CBX8: variants seen among roughly 807,000 people sequenced by gnomAD.
The protein encoded by CBX8 is chromobox 8.
Under a neutral mutation model 39.7 loss-of-function variants are expected in CBX8, and 8 were observed. The observed-to-expected ratio is 0.20, with a 90% confidence interval of 0.12 to 0.36. CBX8 has a LOEUF of 0.36. Ranked by LOEUF, CBX8 falls within the 10% of genes least tolerant of loss-of-function variation. The pLI is 1.00. For synonymous variants in CBX8, 268 were observed against 219.8 expected (o/e 1.22, Z -1.94); for missense variants, 505 against 529.6 (o/e 0.95, Z 0.46).
In CBX8 at chr17:79,794,883, G is replaced by C. The variant is rs772975695; in HGVS notation, c.922C>G (p.Arg308Gly). Residue 308 changes from arginine to glycine, a missense_variant, in exon 5 of 5, where the codon CGA becomes GGA. Transcript: ENST00000269385. Reference sequence around the variant, plus strand: ...GAGCTGGGGGGGCCTGAGCCATGTCGGACCCGGGTGCCATTGGGATCTAGG... The same window carrying C: ...GAGCTGGGGGGGCCTGAGCCATGTCCGACCCGGGTGCCATTGGGATCTAGG... ...GALDPNGTRV[R>G]HGSGPPSSGG... 2 of 1,611,052 alleles carry C rather than the reference G, an allele frequency of 1.2e-6. No individual in the cohort carries two copies. The highest frequency in any genetic ancestry group is 2.2e-5 in the East Asian group (1 of 44,768).
chr17:79,797,034 G>A lies in CBX8; in HGVS notation c.-36C>T, dbSNP rs780625611. On this transcript the variant is annotated 5_prime_UTR_variant, in exon 1 of 5. Coordinates refer to ENST00000269385, the MANE Select transcript of CBX8 (RefSeq NM_020649.3). ...CGCTTCCCCCCTTGGCCGCTTCCAG[G>A]AGCAGAAAAGCAGCAGCCAGCGCAC... The A allele has an allele frequency of 9.4e-6, 15 of 1,593,556 alleles. No homozygotes were observed. Among genetic ancestry groups the A allele is most frequent in the South Asian group, 4.5e-5 (4 of 88,366 alleles).
intron 1 of CBX8, 26 bp from the exon 2 acceptor site, chr17:79,796,566 T>C (rs1471202554): frequency 1.2e-6 from 2 of 1,613,724 alleles, no homozygotes; most frequent in African/African-American, 1.3e-5. Flanking sequence ...CGATAATGTG[T>C]GTGCATGGGG....
Position 79,796,981 on chromosome 17 carries a change from C to A in CBX8, c.18G>T (p.Val6=), listed in dbSNP as rs761124429. The A allele has an allele frequency of 1.9e-6, 3 of 1,611,110 alleles. No individual in the cohort carries two copies. The highest frequency in any genetic ancestry group is 3.3e-5 in the Admixed American group (2 of 59,892). The change falls in exon 1 of 5, where the codon GTG becomes GTT. Residue 6 remains valine (V), a synonymous_variant. Transcript: ENST00000269385. ...CTTCGGCCGCGAACACCCGCTCCCC[C>A]ACCGCTGAAAGCTCCATGTTGACTC... MELSA[V]GERVFAAEAL...
chr17:79,795,759 G>A lies in CBX8; in HGVS notation c.247-201C>T, dbSNP rs1312802417. 1.3e-5 allele frequency among the ~76,000 whole-genome samples: 2 copies of A among 152,202 alleles called. No homozygotes were observed. Among genetic ancestry groups the A allele is most frequent in the Non-Finnish European group, 2.9e-5 (2 of 68,036 alleles). On this transcript the variant is annotated intron_variant, in intron 4 of 4. Transcript: ENST00000269385. The surrounding 1 kb of genome is among the most constrained non-coding windows in gnomAD (Gnocchi z 5.8). ...TGTTGGAGCTGAGAGGTAGAAGGATGAGAGAAGAGGTAGAAGATTTGGCTG... is the reference window on the plus strand; with the variant it reads ...TGTTGGAGCTGAGAGGTAGAAGGATAAGAGAAGAGGTAGAAGATTTGGCTG...
At position 79,795,717 on chromosome 17, in the gene CBX8, T is replaced by C. The variant is rs909954579; in HGVS notation, c.247-159A>G. ...GTGGGTGGGTGGGTGGATGGCTGGA[T>C]GAATGGGTGGGATGGCTGTTGGAGC... On this transcript the variant is annotated intron_variant, in intron 4 of 4. Transcript: ENST00000269385. The surrounding 1 kb of genome is among the most constrained non-coding windows in gnomAD (Gnocchi z 5.8). Among the ~76,000 whole-genome samples, 7 of 152,008 alleles carry C rather than the reference T, an allele frequency of 4.6e-5. No individual in the cohort carries two copies. The highest frequency in any genetic ancestry group is 1.7e-4 in the African/African-American group (7 of 41,474).
chr17:79,796,190 T>C, intron 3 of CBX8, 60 bp downstream of exon 3: 1 of 1,612,966 alleles, frequency 6.2e-7, no homozygotes, highest in Non-Finnish European at 8.5e-7. Flanking sequence ...TAGTCCAGGC[T>C]GGAAAGAAGC....
In CBX8 at chr17:79,794,893, G is replaced by C. The variant is rs774093760; in HGVS notation, c.912C>G (p.Gly304=). The C allele has an allele frequency of 6.2e-7, 1 of 1,611,030 alleles. No individual in the cohort carries two copies. Among genetic ancestry groups the C allele is most frequent in the Non-Finnish European group, 8.5e-7 (1 of 1,178,500 alleles). ...GGCCTGAGCCATGTCGGACCCGGGT[G>C]CCATTGGGATCTAGGGCACCCTGGC... The part of the protein sequence containing the change: ...AKGQGALDPN[G]TRVRHGSGPP... The change falls in exon 5 of 5, where the codon GGC becomes GGG. Residue 304 remains glycine, a synonymous_variant. Coordinates refer to ENST00000269385, the MANE Select transcript of CBX8 (RefSeq NM_020649.3).
At chr17:79,796,883 A>G (rs1036546761) in intron 1 of CBX8, 47 bp downstream of exon 1, 2 of 1,511,208 alleles carry the variant, frequency 1.3e-6, no homozygotes, top group Admixed American at 1.8e-5. Flanking sequence ...CCGGGCCGGG[A>G]GGGGAGGGCC....
chr17:79,795,643 T>C lies in CBX8; in HGVS notation c.247-85A>G, dbSNP rs560927298. On this transcript the variant is annotated intron_variant, in intron 4 of 4. Transcript: ENST00000269385. This position sits in a 1 kb window ranked among gnomAD's most constrained non-coding sequence, Gnocchi z 5.8. ...CCTCCTCTATCCCTGACCTCCTATC[T>C]TTACCCTATGATGCCTGGGAATTTC... The C allele has an allele frequency of 1.1e-5, 9 of 799,030 alleles. No individual in the cohort carries two copies. In the East Asian group the frequency reaches 2.7e-4, roughly 24 times the overall value. 49.5% of individuals were successfully genotyped at this position (799,030 alleles called of 1,614,324 possible).
At chr17:79,796,168 C>CA (rs1470201908) in intron 3 of CBX8, 45 bp from the exon 4 acceptor site, 1 of 1,612,370 alleles carries the variant, frequency 6.2e-7, no homozygotes, top group East Asian at 2.2e-5. Context: ...GTAAAGAAAG[C>CA]AAGTGGGACT....
At position 79,794,834 on chromosome 17, in the gene CBX8, A is replaced by C. The variant is rs373434731; in HGVS notation, c.971T>G (p.Met324Arg). The C allele has an allele frequency of 1.9e-6, 3 of 1,609,336 alleles. No homozygotes were observed. Among genetic ancestry groups the C allele is most frequent in the Admixed American group, 3.4e-5 (2 of 59,126 alleles). ...PSSGGGLYRD[M>R]GAQGGRPSLI... ...GGAGGGCCTTCCCCCCTGGGCCCCC[A>C]TGTCCCGGTACAGGCCCCCCCCAGA... is the stretch of plus-strand genomic sequence containing the variant. Residue 324 changes from methionine (M) to arginine (R), a missense_variant, in exon 5 of 5, where the codon ATG becomes AGG. Physicochemically the swap from Met to Arg is moderately conservative, Grantham distance 91. Around this residue, in one of 3 missense-constraint regions of CBX8, gnomAD observed 456 missense variants for 389.2 expected, o/e 1.17. Transcript: ENST00000269385.
intron 1 of CBX8, 83 bp from the exon 2 acceptor site, chr17:79,796,623 A>G: frequency 2.7e-6 from 4 of 1,497,772 alleles, no homozygotes; most frequent in African/African-American, 1.4e-5. Flanking sequence ...AAATGCATGC[A>G]CCAGATGAAT....
At position 79,794,802 on chromosome 17, in the gene CBX8, C is replaced by G; in HGVS notation, c.1003G>C (p.Ala335Pro). The change falls in exon 5 of 5, where the codon GCC becomes CCC. Residue 335 changes from alanine (A) to proline (P), a missense_variant. Transcript: ENST00000269385. ...AGGATTCTGGCCACAGGGATCCTGG[C>G]GATGAGGGAGGGCCTTCCCCCCTGG... ...GAQGGRPSLI[A>P]RIPVARILGD... 6.2e-7 allele frequency: 1 copy of G among 1,612,256 alleles called. No individual in the cohort carries two copies. Among genetic ancestry groups the G allele is most frequent in the Non-Finnish European group, 8.5e-7 (1 of 1,178,898 alleles).
rs367712089 is a variant in CBX8, at chr17:79,795,026, T to C, written c.779A>G (p.Gln260Arg). The stretch of plus-strand genomic sequence containing the variant: ...TGAGCTAGGGCTGGTCACACCACAC[T>C]GCACCAGGTCCGAGTCCTGTCTTCG... ...LARRQDSDLV[Q>R]CGVTSPSSAE... The change falls in exon 5 of 5, where the codon CAG becomes CGG. Residue 260 changes from glutamine to arginine, a missense_variant. Transcript: ENST00000269385. This position sits in a 1 kb window ranked among gnomAD's most constrained non-coding sequence, Gnocchi z 5.8. 7.5e-6 allele frequency: 12 copies of C among 1,607,218 alleles called. No individual in the cohort carries two copies. In the Admixed American group the frequency reaches 1.7e-4, roughly 23 times the overall value.
chr17:79,796,642 C>G (rs1036043581), intron 1 of CBX8, 102 bp from the exon 2 acceptor site: 2 of 1,391,770 alleles, frequency 1.4e-6, no homozygotes, highest in Non-Finnish European at 2.0e-6. Context: ...ATGCTCGAAA[C>G]CCCGCCGCAA....
At chr17:79,796,027 G>A in intron 4 of CBX8, 30 bp downstream of exon 4, 1 of 1,605,600 alleles carries the variant, frequency 6.2e-7, no homozygotes, top group Non-Finnish European at 8.5e-7. Context: ...CCATAACATG[G>A]TCCTCCACCA....
At chr17:79,796,414 A>C (rs1029237345) in intron 2 of CBX8, 83 bp downstream of exon 2, 1 of 1,599,768 alleles carries the variant, frequency 6.3e-7, no homozygotes, top group Non-Finnish European at 8.6e-7. Flanking sequence ...ATTGTATTGT[A>C]TTTCAATGTA....
At chr17:79,796,469 G>C in intron 2 of CBX8, 28 bp downstream of exon 2, 1 of 1,613,648 alleles carries the variant, frequency 6.2e-7, no homozygotes, top group Non-Finnish European at 8.5e-7. Context: ...AACAGTCTGG[G>C]GTTGAGAATT....
Position 79,797,016 on chromosome 17 carries a change from C to G in CBX8, c.-18G>C. On this transcript the variant is annotated 5_prime_UTR_variant, in exon 1 of 5. Transcript: ENST00000269385. ...AGCTCCATGTTGACTCGCCGCTTCC[C>G]CCCTTGGCCGCTTCCAGGAGCAGAA... 1.2e-6 allele frequency: 2 copies of G among 1,604,840 alleles called. No homozygotes were observed. The highest frequency in any genetic ancestry group is 2.2e-5 in the South Asian group (2 of 89,448).
Sources: gnomAD v4.1 joint callset for allele counts (sites outside exome capture counted in the v4.1 genomes callset) on GRCh38, gnomAD v4.1.1 for gene constraint, gnomAD v4.1.1 regional missense constraint, Gnocchi (gnomAD v3.1) non-coding constraint, MANE v1.5 for transcripts, NCBI Gene and HGNC (gene_info 2026-07-23, HGNC 2026-07-21) for gene names.